The following MTHFS variants were observed in gnomAD, a reference collection of about 807,000 sequenced individuals.
MTHFS encodes methenyltetrahydrofolate synthetase, also known as 5-formyltetrahydrofolate cyclo-ligase.
A neutral mutation model predicts 12.7 loss-of-function variants in MTHFS; 7 were observed. That is an observed-to-expected ratio of 0.55 (90% CI 0.31 to 1.03). MTHFS has a LOEUF of 1.03. Ranked by LOEUF, MTHFS falls within the 50% of genes least tolerant of loss-of-function variation. The pLI is 0.05. For missense variants in MTHFS, 252 were observed against 258.1 expected, an observed-to-expected ratio of 0.98 and a Z score of 0.16; for synonymous variants, 100 against 97.1, an observed-to-expected ratio of 1.03 and a Z score of -0.18.
intron 2 of MTHFS, among the ~76,000 whole-genome samples, chr15:79,879,676 G>T (rs969739796): frequency 6.6e-6 from 1 of 152,176 alleles, no homozygotes; most frequent in Non-Finnish European, 1.5e-5. Context: ...GCCTGTAATA[G>T]ATGCATGCCT....
At chr15:79,874,550 T>C (rs1002100889) in intron 2 of MTHFS, among the ~76,000 whole-genome samples, 3 of 152,108 alleles carry the variant, frequency 2.0e-5, no homozygotes, top group Non-Finnish European at 4.4e-5. Context: ...GCTCTCTCCA[T>C]GCAAAAAGCC....
In MTHFS at chr15:79,857,307, T is replaced by C. The variant is rs914068345; in HGVS notation, c.380-11865A>G. On this transcript the variant is annotated intron_variant, in intron 2 of 2. Coordinates refer to ENST00000258874, the MANE Select transcript of MTHFS (RefSeq NM_006441.4). Reference sequence around the variant, plus strand: ...AGCCACCGTGCCTGGCCCACTATTCTTAATTAATTATTGCACAGTATGATT... The same window carrying C: ...AGCCACCGTGCCTGGCCCACTATTCCTAATTAATTATTGCACAGTATGATT... Among the ~76,000 whole-genome samples, 7 of 152,258 alleles carry C rather than the reference T, an allele frequency of 4.6e-5. No individual in the cohort carries two copies. The South Asian group carries it at 1.5e-3, about 32-fold the overall frequency.
chr15:79,887,986 G>A (rs1254291569), intron 2 of MTHFS, among the ~76,000 whole-genome samples: 3 of 152,084 alleles, frequency 2.0e-5, no homozygotes, highest in Non-Finnish European at 4.4e-5. Flanking sequence ...GTGTTATATT[G>A]GAAGGGGCAG....
chr15:79,862,480 C>T (rs1378114006), intron 2 of MTHFS, among the ~76,000 whole-genome samples: 1 of 152,142 alleles, frequency 6.6e-6, no homozygotes, highest in Admixed American at 6.5e-5. Context: ...AGCAGCAGGA[C>T]AATTCTTGTA....
intron 2 of MTHFS, chr15:79,876,744 G>A (rs1035525498): frequency 4.6e-5 from 7 of 151,724 alleles, no homozygotes; most frequent in African/African-American, 1.7e-4. Flanking sequence ...AAACTCTACA[G>A]TTGAAAAGTT....
chr15:79,887,187 T>C (rs979879021), intron 2 of MTHFS, among the ~76,000 whole-genome samples: 3 of 151,988 alleles, frequency 2.0e-5, no homozygotes, highest in African/African-American at 7.3e-5. Context: ...ATAGCGCCAT[T>C]GCACTCCAGC....
chr15:79,856,988 G>A (rs1329000649), intron 2 of MTHFS, among the ~76,000 whole-genome samples: 3 of 150,104 alleles, frequency 2.0e-5, no homozygotes, highest in Non-Finnish European at 4.4e-5. Context: ...AGATGAGCTC[G>A]CAAAGTCACT....
intron 2 of MTHFS, among the ~76,000 whole-genome samples, chr15:79,856,159 C>G (rs2033798254): frequency 6.6e-6 from 1 of 152,186 alleles, no homozygotes; most frequent in Admixed American, 6.5e-5. Flanking sequence ...TCCCTTTTCT[C>G]CACAATCTCA....
intron 2 of MTHFS, among the ~76,000 whole-genome samples, chr15:79,856,657 T>C (rs1032422888): frequency 2.6e-5 from 4 of 152,170 alleles, no homozygotes; most frequent in African/African-American, 9.7e-5. Flanking sequence ...TTTTCAGATA[T>C]GCAATATGAA....
chr15:79,848,289 G>C (rs956006743), intron 2 of MTHFS, among the ~76,000 whole-genome samples: 3 of 152,186 alleles, frequency 2.0e-5, no homozygotes, highest in Non-Finnish European at 2.9e-5. Flanking sequence ...GTGGTATCTA[G>C]AGTAGTCAAA....
At chr15:79,868,157 A>T (rs1056159973) in intron 2 of MTHFS, among the ~76,000 whole-genome samples, 3 of 152,250 alleles carry the variant, frequency 2.0e-5, no homozygotes, top group Non-Finnish European at 4.4e-5. Flanking sequence ...TAAGCAGACT[A>T]AACTTAAGTA....
intron 2 of MTHFS, among the ~76,000 whole-genome samples, chr15:79,867,372 CAA>C (rs779988449): frequency 2.8e-4 from 29 of 105,252 alleles, no homozygotes; most frequent in Non-Finnish European, 2.9e-4. Flanking sequence ...GATTACGTAG[CAA>C]AAAAAAAAAA....
At chr15:79,848,248 A>C (rs2033653582) in intron 2 of MTHFS, among the ~76,000 whole-genome samples, 1 of 152,250 alleles carries the variant, frequency 6.6e-6, no homozygotes, top group South Asian at 2.1e-4. Flanking sequence ...TCAGCCACAA[A>C]AAGACAAATA....
At position 79,862,218 on chromosome 15, in the gene MTHFS, G is replaced by A. The variant is rs576318296; in HGVS notation, c.380-16776C>T. 5.3e-5 allele frequency among the ~76,000 whole-genome samples: 8 copies of A among 152,076 alleles called. No homozygotes were observed. In the East Asian group the frequency reaches 1.5e-3, roughly 29 times the overall value. On this transcript the variant is annotated intron_variant, in intron 2 of 2. Coordinates refer to ENST00000258874, the MANE Select transcript of MTHFS (RefSeq NM_006441.4). ...ACTATGTCCTTATCTCAAATATTTG[G>A]CAGCTTGCACATAAATATGCCTCCT...
chr15:79,883,277 GCA>G (rs1566996859), intron 2 of MTHFS, among the ~76,000 whole-genome samples: 1 of 152,140 alleles, frequency 6.6e-6, no homozygotes, highest in Admixed American at 6.5e-5. Flanking sequence ...CTGTGTACAT[GCA>G]CACAGTTTTT....
rs535732574 is a variant in MTHFS, at chr15:79,872,459, G to A, written c.379+16634C>T. On this transcript the variant is annotated intron_variant, in intron 2 of 2. Coordinates refer to ENST00000258874, the MANE Select transcript of MTHFS (RefSeq NM_006441.4). ...GCCCAGGAGGGTTTTTGGCTTTGCC[G>A]GGAAAGAATTCAGGAGTGAGCCTTT... is the stretch of plus-strand genomic sequence containing the variant. Among the ~76,000 whole-genome samples, 10 of 152,336 alleles carry A rather than the reference G, an allele frequency of 6.6e-5. No individual in the cohort carries two copies. The East Asian group carries it at 9.6e-4, about 15-fold the overall frequency.
At chr15:79,853,788 G>T (rs966782264) in intron 2 of MTHFS, among the ~76,000 whole-genome samples, 1 of 152,190 alleles carries the variant, frequency 6.6e-6, no homozygotes, top group Non-Finnish European at 1.5e-5. Flanking sequence ...TACAGTCTCC[G>T]AAACACGTGT....
At chr15:79,893,257 G>C in intron 1 of MTHFS, among the ~76,000 whole-genome samples, 1 of 151,638 alleles carries the variant, frequency 6.6e-6, no homozygotes, top group East Asian at 2.0e-4. Context: ...ACAAAAATTA[G>C]TCAGGCGTGG....
At chr15:79,892,189 T>C (rs1409602821) in intron 1 of MTHFS, among the ~76,000 whole-genome samples, 2 of 151,766 alleles carry the variant, frequency 1.3e-5, no homozygotes, top group East Asian at 3.9e-4. Flanking sequence ...TCTAATAAGA[T>C]GAAGGGAAAA....
Sources: allele counts gnomAD v4.1 joint callset (sites outside exome capture counted in the v4.1 genomes callset), GRCh38; gene constraint gnomAD v4.1.1; transcripts MANE v1.5; gene names NCBI Gene and HGNC (gene_info 2026-07-23, HGNC 2026-07-21).